The following IMMP2L variants were observed in gnomAD, a reference collection of about 807,000 sequenced individuals.
IMMP2L encodes the protein inner mitochondrial membrane peptidase subunit 2, also known as mitochondrial inner membrane protease subunit 2.
IMMP2L carries 18 observed loss-of-function variants against 19.3 expected under a neutral mutation model. That is an observed-to-expected ratio of 0.93 (90% CI 0.64 to 1.38). IMMP2L has a LOEUF of 1.38. Ranked by LOEUF, IMMP2L falls within the 40% of genes most tolerant of loss-of-function variation. The probability of loss-of-function intolerance (pLI) is 0.00; values close to 1 mark genes in which losing one functional copy is unlikely to be tolerated. For synonymous variants in IMMP2L, 76 were observed against 73.0 expected (o/e 1.04, Z -0.21); for missense variants, 233 against 218.2 (o/e 1.07, Z -0.43).
At chr7:110,832,461 T>G (rs1197858156) in intron 5 of IMMP2L, among the ~76,000 whole-genome samples, 1 of 152,122 alleles carries the variant, frequency 6.6e-6, no homozygotes, top group Non-Finnish European at 1.5e-5. Context: ...TAGACCACTC[T>G]CTTCAGCTGA....
chr7:110,796,330 T>C (rs1246086167), intron 5 of IMMP2L, among the ~76,000 whole-genome samples: 2 of 151,988 alleles, frequency 1.3e-5, no homozygotes, highest in African/African-American at 2.4e-5. Context: ...GGTAAAGCAC[T>C]GTAGAGAGGT....
At chr7:111,411,481 C>A (rs79558992) in intron 3 of IMMP2L, 3 of 475,260 alleles carry the variant, frequency 6.3e-6, no homozygotes, top group Non-Finnish European at 1.3e-5. Flanking sequence ...CGGGCAAGCA[C>A]GGCATGGGCT....
Position 111,426,400 on chromosome 7 carries a change from A to G in IMMP2L, c.239+60838T>C. 1.3e-5 allele frequency among the ~76,000 whole-genome samples: 2 copies of G among 150,604 alleles called. 1 individual carries two copies. The highest frequency in any genetic ancestry group is 3.0e-5 in the Non-Finnish European group (2 of 67,656). On this transcript the variant is annotated intron_variant, in intron 3 of 5. Transcript: ENST00000405709. ...ATGTTCGTTCACATTTGATGGTATT[A>G]CCACTGAGAGGTTTTTTGCAATAAC... is the stretch of plus-strand genomic sequence containing the variant.
At chr7:111,240,018 C>T (rs1405809536) in intron 3 of IMMP2L, among the ~76,000 whole-genome samples, 1 of 151,902 alleles carries the variant, frequency 6.6e-6, no homozygotes, top group African/African-American at 2.4e-5. Flanking sequence ...GGCATTACCA[C>T]CTTATTGTCA....
At chr7:111,127,524 C>A (rs1420896725) in intron 3 of IMMP2L, among the ~76,000 whole-genome samples, 1 of 152,076 alleles carries the variant, frequency 6.6e-6, no homozygotes, top group African/African-American at 2.4e-5. Context: ...CAAGGCAAAT[C>A]ATGAACCTAC....
chr7:111,502,629 C>A (rs1339459620), intron 2 of IMMP2L, among the ~76,000 whole-genome samples: 2 of 151,860 alleles, frequency 1.3e-5, no homozygotes, highest in African/African-American at 4.8e-5. Context: ...TCTCTCAGAC[C>A]ACAGTGCAAT....
At position 111,123,953 on chromosome 7, in the gene IMMP2L, T is replaced by C. The variant is rs764361733; in HGVS notation, c.240-160388A>G. The C allele has an allele frequency of 1.2e-6, 2 of 1,614,004 alleles. No individual in the cohort carries two copies. The highest frequency in any genetic ancestry group is 1.1e-5 in the South Asian group (1 of 91,082). On this transcript the variant is annotated intron_variant, in intron 3 of 5. Coordinates refer to ENST00000405709, the MANE Select transcript of IMMP2L (RefSeq NM_032549.4). The surrounding 1 kb of genome is among the most constrained non-coding windows in gnomAD (Gnocchi z 6.4). ...ATTCGATTCATGGAGCCAGATTCAC[T>C]GTTTTGCGTGGACCCACCTGAATTC... is the stretch of plus-strand genomic sequence containing the variant.
At chr7:110,914,851 C>T (rs958123579) in intron 4 of IMMP2L, among the ~76,000 whole-genome samples, 13 of 152,036 alleles carry the variant, frequency 8.6e-5, no homozygotes, top group African/African-American at 3.1e-4. Flanking sequence ...AAAACACAAT[C>T]AAAATCACTA....
At chr7:111,396,484 A>C (rs1182813178) in intron 3 of IMMP2L, among the ~76,000 whole-genome samples, 1 of 151,996 alleles carries the variant, frequency 6.6e-6, no homozygotes, top group Non-Finnish European at 1.5e-5. Context: ...GGAACATCAC[A>C]CACCAGGGCC....
chr7:111,168,919 G>A (rs749771202), intron 3 of IMMP2L, among the ~76,000 whole-genome samples: 1 of 151,770 alleles, frequency 6.6e-6, no homozygotes. Flanking sequence ...AAAAATTTTT[G>A]TCTCAGTCTG....
intron 2 of IMMP2L, among the ~76,000 whole-genome samples, chr7:111,513,486 G>C (rs145289870): frequency 1.3e-5 from 2 of 152,166 alleles, no homozygotes; most frequent in East Asian, 3.9e-4. Flanking sequence ...GCAGAAAAGA[G>C]AACCCTTGTG....
At chr7:111,082,646 T>A (rs1795979567) in intron 3 of IMMP2L, among the ~76,000 whole-genome samples, 1 of 152,142 alleles carries the variant, frequency 6.6e-6, no homozygotes, top group Non-Finnish European at 1.5e-5. Context: ...GGCTTGTGGT[T>A]CACACATAGG....
rs533870236 is a variant in IMMP2L at position 111,537,696 on chromosome 7, T to C, written c.-2-16247A>G. Among the ~76,000 whole-genome samples the C allele has an allele frequency of 3.8e-4, 58 of 151,120 alleles. 1 individual carries two copies. Among genetic ancestry groups the C allele is most frequent in the Non-Finnish European group, 5.7e-4 (39 of 67,906 alleles). On this transcript the variant is annotated intron_variant, in intron 1 of 5. Transcript: ENST00000405709. The stretch of plus-strand genomic sequence containing the variant: ...AACCACAGGTATGTGCCACCACACC[T>C]GGCTAATTTTTGTATTTTTTGTAGA...
At chr7:110,827,687 C>T (rs557879682) in intron 5 of IMMP2L, among the ~76,000 whole-genome samples, 2 of 152,150 alleles carry the variant, frequency 1.3e-5, no homozygotes, top group Non-Finnish European at 2.9e-5. Flanking sequence ...GGCTTGACAA[C>T]AAAAGCACAT....
At chr7:110,814,388 C>T (rs970462337) in intron 5 of IMMP2L, among the ~76,000 whole-genome samples, 14 of 149,978 alleles carry the variant, frequency 9.3e-5, no homozygotes, top group Admixed American at 8.7e-4. Context: ...CTATTTACTC[C>T]TAAGATGAAA....
At chr7:111,085,014 C>G (rs1198657436) in intron 3 of IMMP2L, among the ~76,000 whole-genome samples, 1 of 151,952 alleles carries the variant, frequency 6.6e-6, no homozygotes, top group Admixed American at 6.6e-5. Flanking sequence ...AAAAGTCAAT[C>G]CCCTGAGTGA....
At chr7:111,050,113 T>A (rs539854530) in intron 3 of IMMP2L, among the ~76,000 whole-genome samples, 1 of 152,344 alleles carries the variant, frequency 6.6e-6, no homozygotes, top group East Asian at 1.9e-4. Context: ...AAAATGATTG[T>A]GCTCCAAAAT....
At chr7:110,777,799 G>C (rs1156510137) in intron 5 of IMMP2L, among the ~76,000 whole-genome samples, 1 of 151,872 alleles carries the variant, frequency 6.6e-6, no homozygotes. Flanking sequence ...TGTTAAAAAA[G>C]ATATAGTTTG....
chr7:111,031,808 G>A (rs1347683794), intron 3 of IMMP2L, among the ~76,000 whole-genome samples: 1 of 152,072 alleles, frequency 6.6e-6, no homozygotes, highest in Non-Finnish European at 1.5e-5. Context: ...TTTCAGCCAG[G>A]TGATCAAGGT....
Sources: gnomAD v4.1 joint callset for allele counts (sites outside exome capture counted in the v4.1 genomes callset) on GRCh38, gnomAD v4.1.1 for gene constraint, Gnocchi (gnomAD v3.1) non-coding constraint, MANE v1.5 for transcripts, NCBI Gene and HGNC (gene_info 2026-07-23, HGNC 2026-07-21) for gene names.